The following ZMYM4 variants were observed in gnomAD, a reference collection of about 807,000 sequenced individuals.
ZMYM4 encodes zinc finger MYM-type containing 4, also known as zinc finger MYM-type protein 4.
ZMYM4 carries 31 observed loss-of-function variants against 183.2 expected under a neutral mutation model. That is an observed-to-expected ratio of 0.17 (90% confidence interval 0.13 to 0.23). The LOEUF (loss-of-function observed/expected upper bound fraction) is 0.23, where lower values mean the gene tolerates loss of function less well. Among genes scored for constraint, ZMYM4 ranks in the 10% least tolerant of loss-of-function variants. The probability of loss-of-function intolerance (pLI) is 1.00; values close to 1 mark genes in which losing one functional copy is unlikely to be tolerated. For missense variants in ZMYM4, 1,273 were observed against 1,840.3 expected (o/e 0.69, Z 5.64); for synonymous variants, 592 against 631.2 (o/e 0.94, Z 0.93).
intron 1 of ZMYM4, among the ~76,000 whole-genome samples, chr1:35,319,306 T>C (rs1237095833): frequency 6.6e-6 from 1 of 152,206 alleles, no homozygotes; most frequent in South Asian, 2.1e-4. Context: ...TTTTTATATT[T>C]CTGCGTGGTA....
chr1:35,405,240 TATACAG>T (rs1249045035), intron 24 of ZMYM4, 46 bp downstream of exon 24: 3 of 1,600,252 alleles, frequency 1.9e-6, no homozygotes, highest in Admixed American at 3.4e-5. Context: ...TAGGGGGAAA[TATACAG>T]ATAATCTACT....
intron 1 of ZMYM4, among the ~76,000 whole-genome samples, chr1:35,273,359 A>G (rs1339249119): frequency 6.6e-6 from 1 of 152,210 alleles, no homozygotes; most frequent in Non-Finnish European, 1.5e-5. Context: ...TTTCTCAAAT[A>G]GCTTTTAAGA....
At chr1:35,405,891 G>GTA (rs1644994704) in intron 25 of ZMYM4, among the ~76,000 whole-genome samples, 1 of 151,868 alleles carries the variant, frequency 6.6e-6, no homozygotes, top group African/African-American at 2.4e-5. Flanking sequence ...AGGAAATTTG[G>GTA]TATTACATGA....
intron 1 of ZMYM4, among the ~76,000 whole-genome samples, chr1:35,281,753 A>G (rs994110461): frequency 6.6e-6 from 1 of 152,066 alleles, no homozygotes; most frequent in Non-Finnish European, 1.5e-5. Flanking sequence ...AATATTGTGC[A>G]ATCATTACCA....
intron 28 of ZMYM4, 109 bp downstream of exon 28, chr1:35,415,823 C>A: frequency 7.3e-7 from 1 of 1,378,766 alleles, no homozygotes. Context: ...AAGAGTGTAC[C>A]TTTAACATTT....
chr1:35,396,111 C>T (rs1202593941), intron 18 of ZMYM4, among the ~76,000 whole-genome samples: 2 of 151,906 alleles, frequency 1.3e-5, no homozygotes, highest in Non-Finnish European at 2.9e-5. Context: ...GAAATTGTTG[C>T]CAAATTAATC....
At chr1:35,382,181 T>TACACACACAC (rs59402643) in intron 9 of ZMYM4, among the ~76,000 whole-genome samples, 1 of 133,536 alleles carries the variant, frequency 7.5e-6, no homozygotes, top group African/African-American at 2.7e-5. Flanking sequence ...TATACACACA[T>TACACACACAC]ACACACACAC....
intron 17 of ZMYM4, among the ~76,000 whole-genome samples, chr1:35,393,079 A>G (rs890796710): frequency 3.3e-5 from 5 of 152,198 alleles, no homozygotes; most frequent in Admixed American, 6.5e-5. Flanking sequence ...TAACCCATTA[A>G]TATTTTCTGC....
chr1:35,377,082 T>C (rs1644351386), intron 7 of ZMYM4, among the ~76,000 whole-genome samples: 1 of 151,970 alleles, frequency 6.6e-6, no homozygotes, highest in Admixed American at 6.6e-5. Context: ...AATTTTTGTA[T>C]TTATAGTAGA....
intron 2 of ZMYM4, among the ~76,000 whole-genome samples, chr1:35,356,654 T>C (rs989943598): frequency 1.3e-5 from 2 of 152,202 alleles, no homozygotes; most frequent in Admixed American, 1.3e-4. Context: ...TTTCTAGCTC[T>C]GTGAGGAGGA....
At chr1:35,347,310 T>A (rs1343200381) in intron 2 of ZMYM4, among the ~76,000 whole-genome samples, 3 of 152,234 alleles carry the variant, frequency 2.0e-5, no homozygotes, top group Non-Finnish European at 4.4e-5. Context: ...CCCAGCCTTC[T>A]ATTTTTATTT....
chr1:35,397,356 A>G (rs748276092), intron 19 of ZMYM4, 21 bp from the exon 20 acceptor site: 11 of 1,520,222 alleles, frequency 7.2e-6, no homozygotes, highest in Non-Finnish European at 9.7e-6. Flanking sequence ...GAAAGCCTTC[A>G]GTCTATCCTT....
At chr1:35,373,972 A>T (rs1206845318) in intron 7 of ZMYM4, among the ~76,000 whole-genome samples, 3 of 146,864 alleles carry the variant, frequency 2.0e-5, no homozygotes, top group Non-Finnish European at 4.5e-5. Flanking sequence ...ACTTAGGTAT[A>T]TATCCTGTCT....
chr1:35,384,302 G>A (rs542004585), intron 9 of ZMYM4, among the ~76,000 whole-genome samples: 13 of 152,166 alleles, frequency 8.5e-5, no homozygotes, highest in Non-Finnish European at 1.3e-4. Flanking sequence ...AGGGAAATGG[G>A]GTTAGAGATT....
At chr1:35,401,735 A>G (rs1457913316) in intron 23 of ZMYM4, among the ~76,000 whole-genome samples, 1 of 152,106 alleles carries the variant, frequency 6.6e-6, no homozygotes, top group Non-Finnish European at 1.5e-5. Context: ...TAGAAGTTTT[A>G]TAGTTTTAAC....
rs754814661 is a variant in ZMYM4, at chr1:35,405,324, G to A, written c.3701-49G>A. 52 of 1,577,254 alleles carry A rather than the reference G, an allele frequency of 3.3e-5. No individual in the cohort carries two copies. The East Asian group carries it at 4.5e-4, about 14-fold the overall frequency. ...GTTTGGGCTTTACTTAATTTTTTCC[G>A]CACTTTTATTTTATTTAAACTTTTC... On this transcript the variant is annotated intron_variant, in intron 24 of 29. Coordinates refer to ENST00000314607, the MANE Select transcript of ZMYM4 (RefSeq NM_005095.3).
chr1:35,405,456 C>G lies in ZMYM4; in HGVS notation c.3784C>G (p.Pro1262Ala), dbSNP rs1644986054. 2 of 1,608,546 alleles carry G rather than the reference C, an allele frequency of 1.2e-6. No homozygotes were observed. Among genetic ancestry groups the G allele is most frequent in the Admixed American group, 3.4e-5 (2 of 59,256 alleles). The part of the protein sequence containing the change: ...DHALSQESSE[P>A]GCRVRSIKLK... ...TGCACTCTCTCAAGAATCCTCAGAG[C>G]CAGGCTGTAGAGGTAAAATTTGTTT... The change falls in exon 25 of 30, where the codon CCA becomes GCA. Residue 1262 changes from proline to alanine, a missense_variant. Physicochemically the swap from Pro to Ala is conservative, Grantham distance 27. This residue lies in a region of ZMYM4 where 133 missense variants were observed against 155.7 expected (regional missense o/e 0.85). Coordinates refer to ENST00000314607, the MANE Select transcript of ZMYM4 (RefSeq NM_005095.3).
At chr1:35,385,776 C>G (rs1644562047) in intron 10 of ZMYM4, among the ~76,000 whole-genome samples, 184 bp downstream of exon 10, 1 of 152,038 alleles carries the variant, frequency 6.6e-6, no homozygotes, top group South Asian at 2.1e-4. Context: ...TTATGCATTT[C>G]CCCCTTACCA....
rs1179785351 is a variant in ZMYM4 at position 35,309,020 on chromosome 1, CAT to C, written c.40-16339_40-16338del. On this transcript the variant is annotated intron_variant, in intron 1 of 29. Coordinates refer to ENST00000314607, the MANE Select transcript of ZMYM4 (RefSeq NM_005095.3). The stretch of plus-strand genomic sequence containing the variant: ...GGTGTGAATGACAGAAAATGGAAGA[CAT>C]GTTAGAATGGTATGTGAATTTGGGG... 3.0e-6 allele frequency: 3 copies of C among 985,198 alleles called. No homozygotes were observed. The African/African-American group carries it at 5.2e-5, about 17-fold the overall frequency. 61.0% of individuals were successfully genotyped at this position (985,198 alleles called of 1,614,324 possible).
Sources: gnomAD v4.1 joint callset for allele counts (sites outside exome capture counted in the v4.1 genomes callset) on GRCh38, gnomAD v4.1.1 for gene constraint, gnomAD v4.1.1 regional missense constraint, MANE v1.5 for transcripts, NCBI Gene and HGNC (gene_info 2026-07-23, HGNC 2026-07-21) for gene names.